The following LSM14B variants were observed in gnomAD, a reference collection of about 807,000 sequenced individuals.
LSM14B encodes LSM family member 14B, also known as protein LSM14 homolog B.
LSM14B carries 8 observed loss-of-function variants against 42.1 expected under a neutral mutation model. That is an observed-to-expected ratio of 0.19 (90% CI 0.11 to 0.34). The LOEUF (loss-of-function observed/expected upper bound fraction) is 0.34. Ranked by LOEUF, LSM14B falls within the 10% of genes least tolerant of loss-of-function variation. The probability of loss-of-function intolerance (pLI) is 1.00; values close to 1 mark genes in which losing one functional copy is unlikely to be tolerated. For synonymous variants in LSM14B, 219 were observed against 209.7 expected (o/e 1.04, Z -0.38); for missense variants, 396 against 513.1 (o/e 0.77, Z 2.21).
intron 3 of LSM14B, chr20:62,127,756 G>T: frequency 8.2e-7 from 1 of 1,226,100 alleles, no homozygotes; most frequent in African/African-American, 1.5e-5. Flanking sequence ...CTGAGAGCGA[G>T]GGGTAAAGCA....
At position 62,129,946 on chromosome 20, in the gene LSM14B, G is replaced by T. The variant is rs1317328295; in HGVS notation, c.589G>T (p.Ala197Ser). 9.9e-6 allele frequency: 16 copies of T among 1,612,470 alleles called. No homozygotes were observed. The highest frequency in any genetic ancestry group is 1.3e-5 in the Non-Finnish European group (15 of 1,179,438). ...GRQAQPSSKT[A>S]SDVVQPAAVQ... ...TCAGGCCCAGCCGAGCAGCAAGACG[G>T]CCAGCGGTACTTGAACACATCATTT... Residue 197 changes from alanine (A) to serine (S), a missense_variant, in exon 4 of 9, where the codon GCC becomes TCC. By Grantham distance (99) the Ala-to-Ser change is moderately conservative. Transcript: ENST00000279068.
chr20:62,127,192 G>GA (rs2056632434), intron 3 of LSM14B, among the ~76,000 whole-genome samples: 1 of 152,282 alleles, frequency 6.6e-6, no homozygotes, highest in South Asian at 2.1e-4. Flanking sequence ...AACCAAGATT[G>GA]AAAAACCCCA....
At chr20:62,131,671 G>A (rs769133186) in intron 7 of LSM14B, among the ~76,000 whole-genome samples, 165 bp downstream of exon 7, 14 of 152,182 alleles carry the variant, frequency 9.2e-5, no homozygotes, top group African/African-American at 1.2e-4. Flanking sequence ...AGCAGGTTGC[G>A]TGTGGGAAGC....
intron 1 of LSM14B, among the ~76,000 whole-genome samples, chr20:62,124,264 T>C (rs2056516778): frequency 6.6e-6 from 1 of 152,242 alleles, no homozygotes; most frequent in Non-Finnish European, 1.5e-5. Flanking sequence ...CGGCTGGCTG[T>C]TGGATCTACA....
Position 62,124,793 on chromosome 20 carries a change from C to G in LSM14B, c.291+13C>G, listed in dbSNP as rs1478803566. On this transcript the variant is annotated intron_variant, in intron 2 of 8. Transcript: ENST00000279068. ...CGCCATTGTTCAGGTAAGTGTGCCA[C>G]TGTCCCTCTGTGCATGCTGTAGGAG... The G allele has an allele frequency of 6.2e-7, 1 of 1,608,544 alleles. No homozygotes were observed. The highest frequency in any genetic ancestry group is 1.1e-5 in the South Asian group (1 of 90,380).
chr20:62,122,750 C>A lies in LSM14B; in HGVS notation c.84C>A (p.Leu28=). 1 of 1,522,086 alleles carries A rather than the reference C, an allele frequency of 6.6e-7. No homozygotes were observed. The highest frequency in any genetic ancestry group is 8.8e-7 in the Non-Finnish European group (1 of 1,130,742). The allele number at this position is 1,522,086 out of a possible 1,614,324, so 94.3% of individuals were successfully genotyped here. ...SKAQIRYEGI[L]YTIDTDNSTV... ...CGCAGATCCGCTACGAGGGCATTCT[C>A]TACACCATCGACACCGACAACTCCA... Residue 28 remains leucine (L), a synonymous_variant, in exon 1 of 9, where the codon CTC becomes CTA. Transcript: ENST00000279068. The surrounding 1 kb of genome is among the most constrained non-coding windows in gnomAD (Gnocchi z 4.6).
intron 7 of LSM14B, among the ~76,000 whole-genome samples, chr20:62,132,877 A>G (rs530866846): frequency 5.3e-5 from 8 of 152,242 alleles, no homozygotes; most frequent in African/African-American, 1.7e-4. Context: ...GAAGCATCAC[A>G]TTCCAGGGAA....
At chr20:62,128,171 A>G (rs2056658405) in intron 3 of LSM14B, 1 of 336,462 alleles carries the variant, frequency 3.0e-6, no homozygotes, top group South Asian at 2.9e-5. Context: ...CCAGGTGGAC[A>G]GTATCAGCCT....
chr20:62,122,884 C>A lies in LSM14B; in HGVS notation c.127+91C>A. 8.5e-7 allele frequency: 1 copy of A among 1,174,510 alleles called. No individual in the cohort carries two copies. The highest frequency in any genetic ancestry group is 1.1e-6 in the Non-Finnish European group (1 of 928,530). 72.8% of individuals were successfully genotyped at this position (1,174,510 alleles called of 1,614,324 possible). ...CTCCCCGCCCCGGGGCGCCCCGGAG[C>A]CTGGCGCCCAGACCCCGCCCAGAAC... On this transcript the variant is annotated intron_variant, in intron 1 of 8. Transcript: ENST00000279068. The surrounding 1 kb of genome is among the most constrained non-coding windows in gnomAD (Gnocchi z 4.6).
chr20:62,131,478 G>A lies in LSM14B; in HGVS notation c.958G>A (p.Asp320Asn), dbSNP rs774202042. 2 of 1,613,724 alleles carry A rather than the reference G, an allele frequency of 1.2e-6. No homozygotes were observed. Among genetic ancestry groups the A allele is most frequent in the South Asian group, 1.1e-5 (1 of 91,070 alleles). The change falls in exon 7 of 9, where the codon GAC (aspartate) becomes AAC (asparagine). Residue 320 changes from aspartate to asparagine, a missense_variant. Coordinates refer to ENST00000279068, the MANE Select transcript of LSM14B (RefSeq NM_144703.3). ...CTATGACAAATCCAAGTCGTTCTTC[G>A]ACAACATCTCTTCTGAACTCAAGAC... Reference protein sequence around the residue: ...CYYDKSKSFFDNISSELKTSS... With the variant: ...CYYDKSKSFFNNISSELKTSS...
At chr20:62,131,688 G>T (rs1222567843) in intron 7 of LSM14B, among the ~76,000 whole-genome samples, 182 bp downstream of exon 7, 1 of 152,192 alleles carries the variant, frequency 6.6e-6, no homozygotes, top group Non-Finnish European at 1.5e-5. Flanking sequence ...AAGCCTCTTG[G>T]GGATCCCGAC....
Position 62,130,037 on chromosome 20 carries a change from T to C in LSM14B, c.595+85T>C, listed in dbSNP as rs1408401618. 7.0e-7 allele frequency: 1 copy of C among 1,429,500 alleles called. No individual in the cohort carries two copies. Among genetic ancestry groups the C allele is most frequent in the Admixed American group, 2.7e-5 (1 of 37,406 alleles). 88.6% of individuals were successfully genotyped at this position (1,429,500 alleles called of 1,614,324 possible). On this transcript the variant is annotated intron_variant, in intron 4 of 8. Coordinates refer to ENST00000279068, the MANE Select transcript of LSM14B (RefSeq NM_144703.3). The surrounding 1 kb of genome is among the most constrained non-coding windows in gnomAD (Gnocchi z 4.1). Reference sequence around the variant, plus strand: ...CCTGGGCTATTTTTTTTTTTTTAATTAAAAAAATACTACTCCCCCATCCTA... The same window carrying C: ...CCTGGGCTATTTTTTTTTTTTTAATCAAAAAAATACTACTCCCCCATCCTA...
rs1600920375 is a variant in LSM14B at position 62,125,732 on chromosome 20, G to A, written c.292-572G>A. On this transcript the variant is annotated intron_variant, in intron 2 of 8. Coordinates refer to ENST00000279068, the MANE Select transcript of LSM14B (RefSeq NM_144703.3). ...GGATCACACAGGGCCGGCTTTGGGA[G>A]CAGTGGGAAGCCATCCGATGGCTTT... Among the ~76,000 whole-genome samples the A allele has an allele frequency of 3.3e-5, 5 of 152,370 alleles. 1 individual carries two copies. Among genetic ancestry groups the A allele is most frequent in the Admixed American group, 3.3e-4 (5 of 15,304 alleles).
intron 2 of LSM14B, among the ~76,000 whole-genome samples, chr20:62,125,492 G>A (rs571992753): frequency 5.9e-5 from 9 of 152,342 alleles, no homozygotes; most frequent in African/African-American, 9.6e-5. Context: ...GCTTGCCCTC[G>A]GGTTACGCCC....
chr20:62,125,748 C>T (rs543603367), intron 2 of LSM14B, among the ~76,000 whole-genome samples: 3 of 152,312 alleles, frequency 2.0e-5, no homozygotes, highest in African/African-American at 2.4e-5. Flanking sequence ...GGAAGCCATC[C>T]GATGGCTTTG....
rs185130682 is a variant in LSM14B at position 62,131,456 on chromosome 20, T to C, written c.936T>C (p.Tyr312=). 256 of 1,613,954 alleles carry C rather than the reference T, an allele frequency of 1.6e-4. 2 individuals are homozygous for C. The East Asian group carries it at 4.7e-3, about 30-fold the overall frequency. Residue 312 remains tyrosine (Y), a synonymous_variant, in exon 7 of 9, where the codon TAT becomes TAC. Coordinates refer to ENST00000279068, the MANE Select transcript of LSM14B (RefSeq NM_144703.3). ...ACCTTCTGGGGCCCAACTGCTACTATGACAAATCCAAGTCGTTCTTCGACA... is the reference window on the plus strand; with the variant it reads ...ACCTTCTGGGGCCCAACTGCTACTACGACAAATCCAAGTCGTTCTTCGACA... ...EEDLLGPNCY[Y]DKSKSFFDNI...
chr20:62,132,871 C>G (rs998943808), intron 7 of LSM14B, among the ~76,000 whole-genome samples: 2 of 152,132 alleles, frequency 1.3e-5, no homozygotes, highest in Non-Finnish European at 2.9e-5. Flanking sequence ...AAAGCAGAAG[C>G]ATCACATTCC....
At chr20:62,133,855 TC>T (rs1763383340) in intron 8 of LSM14B, among the ~76,000 whole-genome samples, 1 of 152,340 alleles carries the variant, frequency 6.6e-6, no homozygotes, top group Middle Eastern at 3.4e-3. Context: ...TTTAACCAGG[TC>T]CCAGTGGATT....
intron 3 of LSM14B, among the ~76,000 whole-genome samples, chr20:62,128,419 T>C (rs2056666816): frequency 6.6e-6 from 1 of 152,266 alleles, no homozygotes; most frequent in South Asian, 2.1e-4. Flanking sequence ...ACAGCTGCTG[T>C]CAGTCTGTCA....
Sources: gnomAD v4.1 joint callset for allele counts (sites outside exome capture counted in the v4.1 genomes callset) on GRCh38, gnomAD v4.1.1 for gene constraint, Gnocchi (gnomAD v3.1) non-coding constraint, MANE v1.5 for transcripts, NCBI Gene and HGNC (gene_info 2026-07-23, HGNC 2026-07-21) for gene names.